Variants in TNIP3 observed in about 807,000 individuals in gnomAD.
TNIP3 encodes the protein TNFAIP3-interacting protein 3.
In TNIP3, 34 loss-of-function variants were observed where a neutral mutation model predicts 54.1. The observed-to-expected ratio is 0.63, with a 90% CI of 0.48 to 0.84. The LOEUF is 0.84. Among genes scored for constraint, TNIP3 ranks in the 40% least tolerant of loss-of-function variants. The probability of loss-of-function intolerance (pLI) is 0.00; values close to 1 mark genes in which losing one functional copy is unlikely to be tolerated. For synonymous variants in TNIP3, 134 were observed against 136.8 expected (o/e 0.98, Z 0.14); for missense variants, 366 against 387.6 (o/e 0.94, Z 0.47).
intron 1 of TNIP3, chr4:121,216,542 G>T: frequency 6.5e-7 from 1 of 1,531,986 alleles, no homozygotes; most frequent in Non-Finnish European, 8.7e-7. Context: ...TCAGATGTAC[G>T]TCAAGGGAAG....
intron 4 of TNIP3, 37 bp from the exon 5 acceptor site, chr4:121,154,716 T>C (rs763790753): frequency 5.1e-6 from 8 of 1,559,434 alleles, no homozygotes; most frequent in Non-Finnish European, 8.7e-7. Context: ...TAAAAGTCAG[T>C]ACAAGTCAAA....
At chr4:121,187,185 T>C (rs1459510510) in intron 2 of TNIP3, among the ~76,000 whole-genome samples, 1 of 151,974 alleles carries the variant, frequency 6.6e-6, no homozygotes, top group African/African-American at 2.4e-5. Flanking sequence ...GACCTGAGGG[T>C]AAAACAAACA....
chr4:121,226,676 CT>C (rs2148856651), intron 1 of TNIP3, among the ~76,000 whole-genome samples: 1 of 152,354 alleles, frequency 6.6e-6, no homozygotes, highest in Admixed American at 6.5e-5. Flanking sequence ...TCTAGTCTAC[CT>C]TTGTCTACTG....
At chr4:121,201,570 C>T (rs1349310665) in intron 2 of TNIP3, among the ~76,000 whole-genome samples, 2 of 152,122 alleles carry the variant, frequency 1.3e-5, no homozygotes, top group East Asian at 3.9e-4. Context: ...CTAGCTAAGC[C>T]TATCTAGCTT....
intron 2 of TNIP3, among the ~76,000 whole-genome samples, chr4:121,187,276 A>C (rs1453032693): frequency 6.6e-6 from 1 of 152,242 alleles, no homozygotes; most frequent in Non-Finnish European, 1.5e-5. Context: ...CTGTGGGTAC[A>C]TAGTTGTTCC....
intron 2 of TNIP3, among the ~76,000 whole-genome samples, chr4:121,213,515 A>T (rs1726593144): frequency 6.6e-6 from 1 of 152,126 alleles, no homozygotes; most frequent in Non-Finnish European, 1.5e-5. Flanking sequence ...TCATGAGGTC[A>T]GGAGATCGAG....
At chr4:121,213,146 C>T (rs1247130614) in intron 2 of TNIP3, among the ~76,000 whole-genome samples, 1 of 152,274 alleles carries the variant, frequency 6.6e-6, no homozygotes, top group African/African-American at 2.4e-5. Context: ...GTTTGAATGA[C>T]TTGAATATGA....
upstream of TNIP3, among the ~76,000 whole-genome samples, chr4:121,217,955 CAG>C (rs1353313567): frequency 6.6e-6 from 1 of 152,054 alleles, no homozygotes; most frequent in African/African-American, 2.4e-5. Context: ...GTAGAGGAAA[CAG>C]AACTCCAGAG....
intron 2 of TNIP3, chr4:121,192,907 T>C (rs1725374027): frequency 6.6e-6 from 1 of 152,240 alleles, no homozygotes; most frequent in Admixed American, 6.5e-5. Context: ...TGAGCACAAT[T>C]ATTTATTCCT....
rs887824035 is a variant in TNIP3 at position 121,157,083 on chromosome 4, G to A, written c.363+11C>T. ...GGATCCTCCGGGCTCGAGGACCCGG[G>A]CCCCGCCCACCTCCTCCCGCTGCAG... On this transcript the variant is annotated intron_variant, in intron 4 of 10. Transcript: ENST00000057513. The A allele has an allele frequency of 1.9e-6, 3 of 1,613,658 alleles. No individual in the cohort carries two copies. Among genetic ancestry groups the A allele is most frequent in the Non-Finnish European group, 2.5e-6 (3 of 1,179,958 alleles).
chr4:121,227,372 T>G, intron 1 of TNIP3: 4 of 1,535,284 alleles, frequency 2.6e-6, no homozygotes, highest in Non-Finnish European at 3.5e-6. Flanking sequence ...GCACAAGACA[T>G]TATGTTACTC....
chr4:121,186,119 G>T (rs952701370), intron 2 of TNIP3, among the ~76,000 whole-genome samples: 1 of 152,176 alleles, frequency 6.6e-6, no homozygotes, highest in Non-Finnish European at 1.5e-5. Context: ...TGGGCTTGGC[G>T]CACAGTGAGA....
chr4:121,216,563 C>T, intron 1 of TNIP3: 1 of 1,525,374 alleles, frequency 6.6e-7, no homozygotes, highest in South Asian at 1.2e-5. Context: ...TTAACTATGT[C>T]AGTCACCAAA....
intron 2 of TNIP3, among the ~76,000 whole-genome samples, chr4:121,196,957 C>T (rs931276808): frequency 6.6e-6 from 1 of 151,638 alleles, no homozygotes; most frequent in African/African-American, 2.4e-5. Context: ...TTCTTTTACT[C>T]AAAGAACCAT....
intron 1 of TNIP3, among the ~76,000 whole-genome samples, chr4:121,222,766 A>G (rs1357283741): frequency 6.6e-6 from 1 of 151,478 alleles, no homozygotes; most frequent in East Asian, 1.9e-4. Context: ...GTTCTGCTGA[A>G]AATCATGAAA....
chr4:121,152,512 T>C (rs1190911572), intron 5 of TNIP3, among the ~76,000 whole-genome samples: 2 of 152,178 alleles, frequency 1.3e-5, no homozygotes, highest in African/African-American at 4.8e-5. Flanking sequence ...GCATGAATTC[T>C]GGGTCCAGAA....
chr4:121,186,118 C>T (rs1025484325), intron 2 of TNIP3, among the ~76,000 whole-genome samples: 1 of 152,118 alleles, frequency 6.6e-6, no homozygotes, highest in Non-Finnish European at 1.5e-5. Context: ...CTGGGCTTGG[C>T]GCACAGTGAG....
intron 2 of TNIP3, among the ~76,000 whole-genome samples, chr4:121,203,979 T>G (rs1481730623): frequency 6.7e-6 from 1 of 149,130 alleles, no homozygotes; most frequent in African/African-American, 2.4e-5. Flanking sequence ...AATTAAATAT[T>G]TAATATTAAA....
rs559313670 is a variant in TNIP3 at position 121,176,843 on chromosome 4, A to C, written c.189+5833T>G. ...TCTGAACCAACCAAAGAAATTTCTC[A>C]AGGCTTTTTACCTTGGGAAGAGTGT... is the stretch of plus-strand genomic sequence containing the variant. On this transcript the variant is annotated intron_variant, in intron 3 of 12. Coordinates refer to the TNIP3 transcript ENST00000507879. Among the ~76,000 whole-genome samples the C allele has an allele frequency of 7.7e-4, 118 of 152,330 alleles. 1 individual carries two copies. Among genetic ancestry groups the C allele is most frequent in the African/African-American group, 2.8e-3 (117 of 41,570 alleles).
Sources: allele counts gnomAD v4.1 joint callset (sites outside exome capture counted in the v4.1 genomes callset), GRCh38; gene constraint gnomAD v4.1.1; transcripts MANE v1.5; gene names NCBI Gene and HGNC (gene_info 2026-07-23, HGNC 2026-07-21).